The following INSC variants were observed in gnomAD, a reference collection of about 807,000 sequenced individuals.
The protein encoded by INSC is INSC spindle orientation adaptor protein.
INSC carries 67 observed loss-of-function variants against 58.6 expected under a neutral mutation model. The ratio of observed to expected loss-of-function variants is 1.14; its 90% CI spans 0.94 to 1.40. The LOEUF (loss-of-function observed/expected upper bound fraction) is 1.40. Ranked by LOEUF, INSC falls within the 40% of genes most tolerant of loss-of-function variation. INSC has a pLI of 0.00. For synonymous variants in INSC, 262 were observed against 276.1 expected (o/e 0.95, Z 0.51); for missense variants, 714 against 692.0 (o/e 1.03, Z -0.36).
At chr11:15,139,628 A>G (rs1339538176) in intron 1 of INSC, among the ~76,000 whole-genome samples, 1 of 152,166 alleles carries the variant, frequency 6.6e-6, no homozygotes. Context: ...TGAGCTCACT[A>G]ATGTGCCTAG....
intron 6 of INSC, among the ~76,000 whole-genome samples, chr11:15,193,868 C>T (rs1166295762): frequency 1.3e-5 from 2 of 152,208 alleles, no homozygotes; most frequent in African/African-American, 4.8e-5. Flanking sequence ...AATCGCCACA[C>T]TGCTTCTGGA....
At chr11:15,161,580 A>G (rs1849021331) in intron 2 of INSC, among the ~76,000 whole-genome samples, 3 of 152,222 alleles carry the variant, frequency 2.0e-5, no homozygotes, top group African/African-American at 7.2e-5. Context: ...AAACCTTCTC[A>G]GTGTTTCTGG....
At chr11:15,199,125 T>G (rs1850480691) in intron 6 of INSC, among the ~76,000 whole-genome samples, 1 of 152,084 alleles carries the variant, frequency 6.6e-6, no homozygotes, top group Non-Finnish European at 1.5e-5. Context: ...AGACCATGAG[T>G]TTATTGTGGA....
intron 9 of INSC, among the ~76,000 whole-genome samples, chr11:15,232,834 G>A (rs1001229622): frequency 2.0e-5 from 3 of 152,134 alleles, no homozygotes; most frequent in Admixed American, 1.3e-4. Context: ...CAAAGAATGA[G>A]AGCAGCCTCT....
chr11:15,149,034 G>C, intron 1 of INSC, 96 bp from the exon 2 acceptor site: 1 of 1,387,148 alleles, frequency 7.2e-7, no homozygotes, highest in South Asian at 1.7e-5. Context: ...TTACCTCTTT[G>C]TCTGCTTTGG....
At chr11:15,223,830 G>T (rs543720330) in intron 8 of INSC, among the ~76,000 whole-genome samples, 1 of 152,238 alleles carries the variant, frequency 6.6e-6, no homozygotes, top group Non-Finnish European at 1.5e-5. Context: ...TGTTTTTCCA[G>T]TCCTGGGTGG....
At chr11:15,161,821 C>A (rs140715618) in intron 2 of INSC, among the ~76,000 whole-genome samples, 2 of 152,064 alleles carry the variant, frequency 1.3e-5, no homozygotes, top group African/African-American at 4.8e-5. Context: ...ATGAAGACAT[C>A]GAAAAATTTG....
upstream of INSC, among the ~76,000 whole-genome samples, chr11:15,112,005 T>C (rs1306684716): frequency 6.6e-6 from 1 of 152,208 alleles, no homozygotes; most frequent in African/African-American, 2.4e-5. Flanking sequence ...TTAGAATGTA[T>C]ATTATCTTTG....
intron 9 of INSC, among the ~76,000 whole-genome samples, chr11:15,230,240 A>G (rs1371242002): frequency 6.6e-6 from 1 of 151,204 alleles, no homozygotes; most frequent in African/African-American, 2.4e-5. Context: ...TTGTAAAGAA[A>G]AAAGGTTTAA....
intron 12 of INSC, among the ~76,000 whole-genome samples, chr11:15,241,288 T>C (rs763670887): frequency 2.0e-5 from 3 of 152,188 alleles, no homozygotes; most frequent in Admixed American, 6.5e-5. Flanking sequence ...GGCTCTTGTG[T>C]TCAAAGAACA....
the INSC span, among the ~76,000 whole-genome samples, chr11:15,263,680 C>T: frequency 6.6e-6 from 1 of 152,086 alleles, no homozygotes; most frequent in African/African-American, 2.4e-5. Context: ...GTAGGAAGTC[C>T]AGGTGGGCTC....
intron 2 of INSC, among the ~76,000 whole-genome samples, chr11:15,173,075 T>C (rs1245558539): frequency 6.6e-6 from 1 of 152,222 alleles, no homozygotes; most frequent in Non-Finnish European, 1.5e-5. Context: ...GTGTTGAATG[T>C]TGCATTGTTT....
intron 1 of INSC, among the ~76,000 whole-genome samples, chr11:15,146,627 A>G (rs550210968): frequency 6.6e-5 from 10 of 152,312 alleles, no homozygotes; most frequent in African/African-American, 2.4e-4. Flanking sequence ...TTCCTCAGCT[A>G]ACAGCCCAGA....
At chr11:15,250,538 C>T (rs551234549), downstream of INSC, among the ~76,000 whole-genome samples, 10 of 152,276 alleles carry the variant, frequency 6.6e-5, no homozygotes, top group South Asian at 4.1e-4. Flanking sequence ...TTATTGCTCA[C>T]GCATCTCCAC....
chr11:15,217,224 A>C (rs1233229785), intron 7 of INSC, among the ~76,000 whole-genome samples: 1 of 152,162 alleles, frequency 6.6e-6, no homozygotes. Flanking sequence ...CAGCAAGGAG[A>C]AGTGCAGAGC....
intron 9 of INSC, among the ~76,000 whole-genome samples, chr11:15,233,900 A>G (rs937202262): frequency 6.6e-6 from 1 of 152,186 alleles, no homozygotes; most frequent in Non-Finnish European, 1.5e-5. Context: ...ACTGACATGG[A>G]CTTGGCCGTG....
chr11:15,155,460 A>G (rs964248526), intron 2 of INSC, among the ~76,000 whole-genome samples: 1 of 152,208 alleles, frequency 6.6e-6, no homozygotes, highest in African/African-American at 2.4e-5. Flanking sequence ...GTAAATCTTT[A>G]TAGAGTGCCT....
intron 2 of INSC, among the ~76,000 whole-genome samples, chr11:15,171,757 T>C (rs1026250732): frequency 6.6e-6 from 1 of 152,194 alleles, no homozygotes; most frequent in Non-Finnish European, 1.5e-5. Flanking sequence ...TGGACTTGTC[T>C]CCCCACTCCC....
chr11:15,247,733 G>GTATATATATATATA (rs57312382), downstream of INSC, among the ~76,000 whole-genome samples: 746 of 127,448 alleles, frequency 5.9e-3, 14 homozygotes, highest in African/African-American at 0.014. Context: ...TAGAAATAAG[G>GTATATATATATATA]TATATATATA....
Sources: allele counts gnomAD v4.1 joint callset (sites outside exome capture counted in the v4.1 genomes callset), GRCh38; gene constraint gnomAD v4.1.1; transcripts MANE v1.5; gene names NCBI Gene and HGNC (gene_info 2026-07-23, HGNC 2026-07-21).